Variants in PPM1H observed in about 807,000 individuals in gnomAD.
The protein encoded by PPM1H is protein phosphatase, Mg2+/Mn2+ dependent 1H.
A neutral mutation model predicts 54.9 loss-of-function variants in PPM1H; 27 were observed. The observed-to-expected ratio is 0.49, with a 90% CI of 0.36 to 0.68. The LOEUF (loss-of-function observed/expected upper bound fraction) is 0.68, where lower values mean the gene tolerates loss of function less well. PPM1H is among the 30% of genes least tolerant of loss of function. The probability of loss-of-function intolerance (pLI) is 0.00; values close to 1 mark genes in which losing one functional copy is unlikely to be tolerated. For missense variants in PPM1H, 596 were observed against 667.8 expected, an observed-to-expected ratio of 0.89 and a Z score of 1.19; for synonymous variants, 305 against 270.8, an observed-to-expected ratio of 1.13 and a Z score of -1.24.
At chr12:62,732,893 G>T (rs1168280615) in intron 5 of PPM1H, among the ~76,000 whole-genome samples, 3 of 152,048 alleles carry the variant, frequency 2.0e-5, no homozygotes, top group African/African-American at 4.8e-5. Flanking sequence ...TAATTTTTCA[G>T]TGACTAATAA....
At chr12:62,650,725 T>C (rs1020348080) in intron 9 of PPM1H, among the ~76,000 whole-genome samples, 1 of 151,014 alleles carries the variant, frequency 6.6e-6, no homozygotes, top group African/African-American at 2.5e-5. Context: ...CGGGAGACAG[T>C]GAGTGAAGGG....
chr12:62,883,099 G>A (rs1870454607), intron 1 of PPM1H, among the ~76,000 whole-genome samples: 1 of 152,084 alleles, frequency 6.6e-6, no homozygotes, highest in African/African-American at 2.4e-5. Flanking sequence ...GTTTTTGCTA[G>A]CCCAGCACCT....
At chr12:62,809,521 TTCA>T (rs1160684211) in intron 2 of PPM1H, among the ~76,000 whole-genome samples, 3 of 152,202 alleles carry the variant, frequency 2.0e-5, no homozygotes, top group African/African-American at 7.2e-5. Context: ...AGGAGGGGCC[TTCA>T]TCAAGGTTAG....
At chr12:62,888,483 G>A (rs1870669524) in intron 1 of PPM1H, among the ~76,000 whole-genome samples, 1 of 152,192 alleles carries the variant, frequency 6.6e-6, no homozygotes, top group Non-Finnish European at 1.5e-5. Flanking sequence ...GACAAAGGAA[G>A]AGCCAGCAAA....
chr12:62,791,249 T>A (rs529199352), intron 3 of PPM1H, among the ~76,000 whole-genome samples: 1 of 152,182 alleles, frequency 6.6e-6, no homozygotes, highest in East Asian at 1.9e-4. Flanking sequence ...TATCAGAACC[T>A]ACACAAGACT....
chr12:62,750,646 T>C (rs1373881671), intron 4 of PPM1H, among the ~76,000 whole-genome samples: 1 of 152,222 alleles, frequency 6.6e-6, no homozygotes, highest in Non-Finnish European at 1.5e-5. Context: ...AGTGAAATTA[T>C]TGAGCCATAT....
At chr12:62,890,292 T>C (rs527956671) in intron 1 of PPM1H, among the ~76,000 whole-genome samples, 1 of 152,188 alleles carries the variant, frequency 6.6e-6, no homozygotes, top group East Asian at 1.9e-4. Flanking sequence ...TGCAACCCCA[T>C]CTTACAAACA....
chr12:62,870,459 G>T (rs1019571019), intron 1 of PPM1H, among the ~76,000 whole-genome samples: 2 of 152,172 alleles, frequency 1.3e-5, no homozygotes, highest in African/African-American at 4.8e-5. Flanking sequence ...AGTTTTTCAA[G>T]AGAAATGAGA....
chr12:62,870,208 C>T (rs1362881458), intron 1 of PPM1H, among the ~76,000 whole-genome samples: 1 of 152,114 alleles, frequency 6.6e-6, no homozygotes, highest in African/African-American at 2.4e-5. Context: ...ATTGGAGATG[C>T]CTTGAGTCAG....
At chr12:62,924,809 A>C (rs965673486) in intron 1 of PPM1H, among the ~76,000 whole-genome samples, 3 of 152,200 alleles carry the variant, frequency 2.0e-5, no homozygotes, top group Admixed American at 2.0e-4. Context: ...TGGGAGGCAA[A>C]GGCAGGTGGA....
At chr12:62,673,820 C>A (rs2075970969) in intron 8 of PPM1H, among the ~76,000 whole-genome samples, 1 of 147,678 alleles carries the variant, frequency 6.8e-6, no homozygotes, top group South Asian at 2.2e-4. Flanking sequence ...CAACCTGCCA[C>A]ACTCAAGCAA....
chr12:62,748,790 A>T (rs144724916), intron 4 of PPM1H, among the ~76,000 whole-genome samples: 1 of 152,178 alleles, frequency 6.6e-6, no homozygotes, highest in Non-Finnish European at 1.5e-5. Context: ...TGGCAGAAAC[A>T]GCACCAGCAC....
At chr12:62,733,119 G>A (rs1041312735) in intron 5 of PPM1H, among the ~76,000 whole-genome samples, 24 of 152,140 alleles carry the variant, frequency 1.6e-4, no homozygotes, top group Non-Finnish European at 3.2e-4. Context: ...ATTGCTACCC[G>A]TTTCATTCAG....
At chr12:62,781,525 CA>C (rs1368209758) in intron 4 of PPM1H, among the ~76,000 whole-genome samples, 1 of 152,212 alleles carries the variant, frequency 6.6e-6, no homozygotes, top group Admixed American at 6.5e-5. Context: ...TTCAGATGCC[CA>C]GGGGTAGACT....
At chr12:62,758,878 C>T (rs1267369988) in intron 4 of PPM1H, among the ~76,000 whole-genome samples, 1 of 152,202 alleles carries the variant, frequency 6.6e-6, no homozygotes, top group South Asian at 2.1e-4. Context: ...TGAAAATAGC[C>T]TTAACTGATG....
chr12:62,668,640 G>A (rs1163766313), intron 8 of PPM1H, among the ~76,000 whole-genome samples: 1 of 152,110 alleles, frequency 6.6e-6, no homozygotes, highest in African/African-American at 2.4e-5. Flanking sequence ...GCCTCCCAAA[G>A]TGCTGGGGTT....
At chr12:62,756,725 T>G (rs1186543430) in intron 4 of PPM1H, among the ~76,000 whole-genome samples, 1 of 151,028 alleles carries the variant, frequency 6.6e-6, no homozygotes, top group Non-Finnish European at 1.5e-5. Flanking sequence ...AGGAGGGCAC[T>G]GAATCTCGGA....
At chr12:62,776,672 T>C (rs77833158) in intron 4 of PPM1H, among the ~76,000 whole-genome samples, 6,191 of 152,244 alleles carry the variant, frequency 0.041, 140 homozygotes, top group Middle Eastern at 0.068. Context: ...GGCCAGCATT[T>C]CCAGACCCTA....
intron 4 of PPM1H, among the ~76,000 whole-genome samples, chr12:62,750,067 CAAAAA>C (rs10564133): frequency 2.8e-5 from 4 of 145,206 alleles, no homozygotes; most frequent in African/African-American, 2.5e-5. Flanking sequence ...TATCATTTCT[CAAAAA>C]AAAAAAAAAA....
Sources: gnomAD v4.1 joint callset for allele counts (sites outside exome capture counted in the v4.1 genomes callset) on GRCh38, gnomAD v4.1.1 for gene constraint, MANE v1.5 for transcripts, NCBI Gene and HGNC (gene_info 2026-07-23, HGNC 2026-07-21) for gene names.